Variants in FILIP1 observed in about 807,000 individuals in gnomAD.
The protein encoded by FILIP1 is filamin-A-interacting protein 1.
A neutral mutation model predicts 102.1 loss-of-function variants in FILIP1; 61 were observed. The ratio of observed to expected loss-of-function variants is 0.60; its 90% CI spans 0.49 to 0.74. The LOEUF is 0.74. FILIP1 is among the 30% of genes least tolerant of loss of function. The pLI is 0.00. For missense variants in FILIP1, 1,314 were observed against 1,441.2 expected, an observed-to-expected ratio of 0.91 and a Z score of 1.43; for synonymous variants, 491 against 526.9, an observed-to-expected ratio of 0.93 and a Z score of 0.93.
chr6:75,479,976 T>G (rs1167251444), intron 1 of FILIP1, among the ~76,000 whole-genome samples: 1 of 151,888 alleles, frequency 6.6e-6, no homozygotes, highest in East Asian at 1.9e-4. Context: ...ATGATGGTTA[T>G]AAGGGGTTTT....
chr6:75,333,062 T>C (rs748476115), intron 4 of FILIP1, among the ~76,000 whole-genome samples: 22 of 152,210 alleles, frequency 1.4e-4, no homozygotes, highest in Non-Finnish European at 2.8e-4. Context: ...AAAATTTGTT[T>C]AAAATAACTT....
At chr6:75,414,444 A>G (rs142847957) in intron 2 of FILIP1, among the ~76,000 whole-genome samples, 29 of 152,262 alleles carry the variant, frequency 1.9e-4, no homozygotes, top group African/African-American at 7.0e-4. Context: ...ATCACCACCA[A>G]AATCATATAA....
chr6:75,485,871 G>C (rs1280081834), intron 1 of FILIP1, among the ~76,000 whole-genome samples: 1 of 151,842 alleles, frequency 6.6e-6, no homozygotes, highest in Non-Finnish European at 1.5e-5. Context: ...CATGCTGCCA[G>C]AATAGCAACT....
chr6:75,333,950 CTGAG>C (rs202113135), intron 4 of FILIP1, among the ~76,000 whole-genome samples: 2,248 of 152,272 alleles, frequency 0.015, 43 homozygotes, highest in African/African-American at 0.051. Context: ...CACAGCCACA[CTGAG>C]TGTTTCAGAA....
rs375358864 is a variant in FILIP1 at position 75,317,178 on chromosome 6, ACT to A, written c.630-1978_630-1977del. ...GTGTAATCTCTGGCCAATCACTGAA[ACT>A]CTCTGATTCTCAATTTTTTCACCAG... On this transcript the variant is annotated intron_variant, in intron 4 of 5. Transcript: ENST00000237172. Among the ~76,000 whole-genome samples, 347 of 152,216 alleles carry A rather than the reference ACT, an allele frequency of 2.3e-3. 1 individual carries two copies. Among genetic ancestry groups the A allele is most frequent in the Admixed American group, 3.5e-3 (54 of 15,276 alleles).
intron 1 of FILIP1, among the ~76,000 whole-genome samples, chr6:75,447,758 C>T (rs1582522033): frequency 6.6e-6 from 1 of 152,010 alleles, no homozygotes; most frequent in African/African-American, 2.4e-5. Flanking sequence ...GTGCCCTTAG[C>T]TAAATATCCA....
In FILIP1 at chr6:75,468,210, G is replaced by A. The variant is rs1004784008; in HGVS notation, c.-7+25204C>T. ...GGTCCCTCTCTCTAAGCAGCCTGCCGGAGCACATAGAACAAAGAGCCTAAT... is the reference window on the plus strand; with the variant it reads ...GGTCCCTCTCTCTAAGCAGCCTGCCAGAGCACATAGAACAAAGAGCCTAAT... On this transcript the variant is annotated intron_variant, in intron 1 of 5. Transcript: ENST00000237172. 3.9e-5 allele frequency among the ~76,000 whole-genome samples: 6 copies of A among 152,110 alleles called. No individual in the cohort carries two copies. In the East Asian group the frequency reaches 7.7e-4, roughly 20 times the overall value.
At chr6:75,420,485 C>A (rs1033122472) in intron 1 of FILIP1, among the ~76,000 whole-genome samples, 2 of 152,046 alleles carry the variant, frequency 1.3e-5, no homozygotes, top group Non-Finnish European at 2.9e-5. Flanking sequence ...CATAATGTGT[C>A]CGGTAGCTGT....
chr6:75,470,805 G>C (rs771321513), intron 1 of FILIP1, among the ~76,000 whole-genome samples: 1 of 152,112 alleles, frequency 6.6e-6, no homozygotes, highest in Non-Finnish European at 1.5e-5. Flanking sequence ...AGGCAAATAT[G>C]TGGTGCCTTA....
In FILIP1 at chr6:75,382,547, T is replaced by A. The variant is rs115210057; in HGVS notation, c.277-19630A>T. ...GCCCCCAAAAGAATTAACTCTACTG[T>A]GCTTGCTATTCTTAAACTGTTAAAG... On this transcript the variant is annotated intron_variant, in intron 2 of 5. Transcript: ENST00000237172. 4.3e-3 allele frequency among the ~76,000 whole-genome samples: 650 copies of A among 152,358 alleles called. 4 individuals are homozygous for A. The highest frequency in any genetic ancestry group is 0.014 in the African/African-American group (596 of 41,586).
In FILIP1 at chr6:75,470,759, A is replaced by G. The variant is rs555906112; in HGVS notation, c.-7+22655T>C. On this transcript the variant is annotated intron_variant, in intron 1 of 5. Coordinates refer to ENST00000237172, the MANE Select transcript of FILIP1 (RefSeq NM_015687.5). ...CACAAAATTGTAGTTAAGACTTAAAATTTTTTAATGATAAGAAATTATTAG... is the reference window on the plus strand; with the variant it reads ...CACAAAATTGTAGTTAAGACTTAAAGTTTTTTAATGATAAGAAATTATTAG... 8.5e-5 allele frequency among the ~76,000 whole-genome samples: 13 copies of G among 152,312 alleles called. 1 individual carries two copies. In the South Asian group the frequency reaches 2.7e-3, roughly 32 times the overall value.
intron 1 of FILIP1, chr6:75,428,329 T>C (rs1198822588): frequency 6.6e-6 from 1 of 152,466 alleles, no homozygotes; most frequent in African/African-American, 2.4e-5. Flanking sequence ...ATACTGCAAG[T>C]GGAAAAGCTC....
chr6:75,440,028 G>T (rs2149718553), intron 1 of FILIP1, among the ~76,000 whole-genome samples: 1 of 152,196 alleles, frequency 6.6e-6, no homozygotes, highest in East Asian at 1.9e-4. Context: ...TGCTTTTCTT[G>T]TTAATATATA....
At chr6:75,337,265 T>G (rs1774273128) in intron 4 of FILIP1, among the ~76,000 whole-genome samples, 1 of 152,194 alleles carries the variant, frequency 6.6e-6, no homozygotes, top group Non-Finnish European at 1.5e-5. Context: ...CAATTATAAC[T>G]TTTTAAAGCA....
At chr6:75,451,121 AC>A (rs1778617732) in intron 1 of FILIP1, among the ~76,000 whole-genome samples, 1 of 151,894 alleles carries the variant, frequency 6.6e-6, no homozygotes, top group South Asian at 2.1e-4. Context: ...CAAGCCATTG[AC>A]TTGCCATGAT....
intron 3 of FILIP1, among the ~76,000 whole-genome samples, chr6:75,357,575 A>G (rs1419235068): frequency 6.6e-6 from 1 of 152,236 alleles, no homozygotes; most frequent in Non-Finnish European, 1.5e-5. Context: ...TTAATGCATA[A>G]GTTACTGAGG....
At chr6:75,375,150 C>A (rs747912526) in intron 2 of FILIP1, among the ~76,000 whole-genome samples, 48 of 152,234 alleles carry the variant, frequency 3.2e-4, no homozygotes, top group Non-Finnish European at 5.9e-4. Flanking sequence ...TAGCCCACCC[C>A]CATCGGCCCT....
chr6:75,312,475 C>G lies in FILIP1; in HGVS notation c.3357G>C (p.Arg1119=). The G allele has an allele frequency of 6.2e-7, 1 of 1,614,084 alleles. No homozygotes were observed. The highest frequency in any genetic ancestry group is 8.5e-7 in the Non-Finnish European group (1 of 1,180,016). The change falls in exon 5 of 6, where the codon CGG becomes CGC. Residue 1119 remains arginine (R), a synonymous_variant. Coordinates refer to ENST00000237172, the MANE Select transcript of FILIP1 (RefSeq NM_015687.5). ...TGCTCGTCACTTTGCTTGCACCAGGCCGTGAGGAGAGGTGATTCCTGGGAG... is the reference window on the plus strand; with the variant it reads ...TGCTCGTCACTTTGCTTGCACCAGGGCGTGAGGAGAGGTGATTCCTGGGAG... ...LRSPRNHLSS[R]PGASKVTSTI...
downstream of FILIP1, among the ~76,000 whole-genome samples, chr6:75,303,831 AATAG>A (rs1772910659): frequency 6.6e-6 from 1 of 152,154 alleles, no homozygotes; most frequent in Non-Finnish European, 1.5e-5. Context: ...TAGGCAGATC[AATAG>A]ATAGATCAAT....
Sources: gnomAD v4.1 joint callset for allele counts (sites outside exome capture counted in the v4.1 genomes callset) on GRCh38, gnomAD v4.1.1 for gene constraint, MANE v1.5 for transcripts, NCBI Gene and HGNC (gene_info 2026-07-23, HGNC 2026-07-21) for gene names.